FRMD6: variants seen among roughly 807,000 people sequenced by gnomAD.
FRMD6 encodes the protein FERM domain-containing protein 6.
A neutral mutation model predicts 73.2 loss-of-function variants in FRMD6; 37 were observed. That is an observed-to-expected ratio of 0.51 (90% CI 0.39 to 0.66). The LOEUF is 0.66. Among genes scored for constraint, FRMD6 ranks in the 30% least tolerant of loss-of-function variants. The pLI, the probability that FRMD6 is intolerant of heterozygous loss-of-function variation, is 0.00. For synonymous variants in FRMD6, 273 were observed against 282.2 expected (o/e 0.97, Z 0.33); for missense variants, 714 against 780.5 (o/e 0.91, Z 1.02).
the FRMD6 span, among the ~76,000 whole-genome samples, chr14:51,481,685 A>G: frequency 6.6e-6 from 1 of 152,226 alleles, no homozygotes; most frequent in Admixed American, 6.5e-5. Context: ...TTACACTGCA[A>G]GCAACTTATA....
chr14:51,482,541 C>T, the FRMD6 span, among the ~76,000 whole-genome samples: 857 of 152,164 alleles, frequency 5.6e-3, 10 homozygotes, highest in African/African-American at 0.019. Context: ...AGAGAATCAC[C>T]GGGAATAGTG....
intron 1 of FRMD6, among the ~76,000 whole-genome samples, chr14:51,517,272 G>A (rs888343409): frequency 1.3e-5 from 2 of 152,094 alleles, no homozygotes; most frequent in Non-Finnish European, 2.9e-5. Flanking sequence ...ATACATACGA[G>A]TCTGTATCTC....
At chr14:51,409,219 A>G in the FRMD6 span, among the ~76,000 whole-genome samples, 2 of 151,894 alleles carry the variant, frequency 1.3e-5, no homozygotes, top group East Asian at 1.9e-4. Flanking sequence ...TCTTCCTCCA[A>G]TCCTTCGCGA....
intron 2 of FRMD6, among the ~76,000 whole-genome samples, chr14:51,693,856 C>T (rs1895769063): frequency 6.6e-6 from 1 of 152,156 alleles, no homozygotes; most frequent in African/African-American, 2.4e-5. Context: ...AAAGAAGGGA[C>T]TAGGTTACGT....
the FRMD6 span, among the ~76,000 whole-genome samples, chr14:51,405,310 T>C: frequency 0.3 from 45,787 of 152,034 alleles, 7,402 homozygotes; most frequent in African/African-American, 0.42. Flanking sequence ...GATTTCTGGG[T>C]CTAATGGTAG....
chr14:51,728,492 G>A lies in FRMD6; in HGVS notation c.*463G>A, dbSNP rs1228498898. ...AGATTCTCTCTTCTTTTAACAGAGAGATGATTGCTCTGTATACCCATTGCT... is the reference window on the plus strand; with the variant it reads ...AGATTCTCTCTTCTTTTAACAGAGAAATGATTGCTCTGTATACCCATTGCT... On this transcript the variant is annotated 3_prime_UTR_variant, in exon 14 of 14. Transcript: ENST00000344768. 5.8e-6 allele frequency: 1 copy of A among 173,346 alleles called. No individual in the cohort carries two copies. The highest frequency in any genetic ancestry group is 5.4e-5 in the Admixed American group (1 of 18,606). The allele number at this position is 173,346 out of a possible 1,614,324, so 10.7% of individuals were successfully genotyped here.
At chr14:51,450,906 C>T in the FRMD6 span, among the ~76,000 whole-genome samples, 33 of 152,100 alleles carry the variant, frequency 2.2e-4, 1 homozygote, top group Non-Finnish European at 1.2e-4. Context: ...ACTTGGCAGC[C>T]CAGAGGAAAA....
At position 51,712,490 on chromosome 14, in the gene FRMD6, A is replaced by T. The variant is rs376220384; in HGVS notation, c.788A>T (p.Asp263Val). The T allele has an allele frequency of 1.9e-6, 3 of 1,586,220 alleles. No individual in the cohort carries two copies. In the African/African-American group the frequency reaches 4.0e-5, roughly 21 times the overall value. ...TGCATATTCTTTTCACAGAATTTAG[A>T]TGAAGAGAAACAATTACTTTATGAT... is the stretch of plus-strand genomic sequence containing the variant. ...MRGIQIFQNLDEEKQLLYDFP... is the reference protein window; with the variant it reads ...MRGIQIFQNLVEEKQLLYDFP... Residue 263 changes from aspartate to valine, a missense_variant, in exon 9 of 14, where the codon GAT (aspartate) becomes GTT (valine). Physicochemically the swap from Asp to Val is radical, Grantham distance 152. Transcript: ENST00000344768.
chr14:51,409,225 C>T, the FRMD6 span, among the ~76,000 whole-genome samples: 2 of 151,968 alleles, frequency 1.3e-5, no homozygotes, highest in South Asian at 2.1e-4. Flanking sequence ...TCCAATCCTT[C>T]GCGATAGGAA....
At chr14:51,657,391 C>A (rs904535573) in intron 1 of FRMD6, among the ~76,000 whole-genome samples, 3 of 152,284 alleles carry the variant, frequency 2.0e-5, no homozygotes, top group Admixed American at 6.5e-5. Context: ...ATCTTTGCCC[C>A]CAGGATAACC....
At chr14:51,725,981 T>A (rs1897932617) in intron 13 of FRMD6, 111 bp downstream of exon 13, 2 of 684,410 alleles carry the variant, frequency 2.9e-6, no homozygotes, top group South Asian at 3.5e-5. Context: ...AAGGAAATGA[T>A]CCTTCCTAGA....
At chr14:51,680,290 C>T (rs1481113012) in intron 1 of FRMD6, among the ~76,000 whole-genome samples, 5 of 152,190 alleles carry the variant, frequency 3.3e-5, no homozygotes, top group Non-Finnish European at 7.4e-5. Flanking sequence ...TTTCTTCTCC[C>T]CATACATGCT....
chr14:51,719,102 AAGG>A (rs1245892016), intron 10 of FRMD6, among the ~76,000 whole-genome samples: 1 of 152,224 alleles, frequency 6.6e-6, no homozygotes, highest in African/African-American at 2.4e-5. Flanking sequence ...TTAAAAAGGC[AAGG>A]AATCTAAACT....
intron 1 of FRMD6, among the ~76,000 whole-genome samples, chr14:51,531,915 T>A (rs1885604272): frequency 6.6e-6 from 1 of 152,246 alleles, no homozygotes; most frequent in East Asian, 1.9e-4. Flanking sequence ...TTTTTATTGC[T>A]TGTATTAGCA....
chr14:51,502,152 T>C (rs945214480), intron 1 of FRMD6, among the ~76,000 whole-genome samples: 6 of 152,230 alleles, frequency 3.9e-5, no homozygotes, highest in Non-Finnish European at 8.8e-5. Flanking sequence ...GTAGATTGTC[T>C]GTTCACTCTG....
chr14:51,489,138 T>C (rs1882853571), exon 1 of FRMD6: 1 of 152,226 alleles, frequency 6.6e-6, no homozygotes, highest in Admixed American at 6.5e-5. Flanking sequence ...GCTTTCCTCC[T>C]TGAAGGAAGG....
intron 2 of FRMD6, among the ~76,000 whole-genome samples, chr14:51,690,457 C>T (rs1018282270): frequency 6.6e-6 from 1 of 152,160 alleles, no homozygotes; most frequent in African/African-American, 2.4e-5. Flanking sequence ...ATGATCTCAG[C>T]TCACTGCAAC....
chr14:51,649,580 A>C (rs1398458180), upstream of FRMD6: 1 of 152,216 alleles, frequency 6.6e-6, no homozygotes, highest in Admixed American at 6.5e-5. Flanking sequence ...ATGCCGGATT[A>C]TCTCAGTAGG....
chr14:51,660,091 G>A (rs1480980139), intron 1 of FRMD6, among the ~76,000 whole-genome samples: 1 of 152,284 alleles, frequency 6.6e-6, no homozygotes, highest in East Asian at 1.9e-4. Context: ...CCAGTTCCCC[G>A]TTTTGATTGT....
Sources: allele counts gnomAD v4.1 joint callset (sites outside exome capture counted in the v4.1 genomes callset), GRCh38; gene constraint gnomAD v4.1.1; transcripts MANE v1.5; gene names NCBI Gene and HGNC (gene_info 2026-07-23, HGNC 2026-07-21).